Variants in GPC5 observed in about 807,000 individuals in gnomAD.
The protein encoded by GPC5 is glypican-5.
A neutral mutation model predicts 53.9 loss-of-function variants in GPC5; 47 were observed. The observed-to-expected ratio is 0.87, with a 90% CI of 0.69 to 1.11. The LOEUF is 1.11. Ranked by LOEUF, GPC5 falls within the 50% of genes most tolerant of loss-of-function variation. The pLI, the probability that GPC5 is intolerant of heterozygous loss-of-function variation, is 0.00. For synonymous variants in GPC5, 286 were observed against 263.3 expected (o/e 1.09, Z -0.84); for missense variants, 748 against 713.1 (o/e 1.05, Z -0.56).
intron 7 of GPC5, among the ~76,000 whole-genome samples, chr13:92,631,797 C>T (rs533179503): frequency 9.9e-5 from 15 of 152,180 alleles, no homozygotes; most frequent in South Asian, 8.3e-4. Flanking sequence ...TAACCTCATG[C>T]GATGTATCAC....
chr13:92,434,190 G>A (rs890000955), intron 7 of GPC5, among the ~76,000 whole-genome samples: 1 of 152,056 alleles, frequency 6.6e-6, no homozygotes, highest in East Asian at 1.9e-4. Context: ...ACTGTAGCAG[G>A]GTTATTCACA....
chr13:92,862,573 C>G (rs1021208030), intron 7 of GPC5, among the ~76,000 whole-genome samples: 3 of 151,324 alleles, frequency 2.0e-5, no homozygotes, highest in African/African-American at 7.3e-5. Context: ...ATATTTGACT[C>G]GTCTAAGTGT....
intron 4 of GPC5, among the ~76,000 whole-genome samples, chr13:91,753,573 G>A (rs919122684): frequency 2.0e-5 from 3 of 152,142 alleles, no homozygotes; most frequent in African/African-American, 4.8e-5. Context: ...CCAAGTTGCT[G>A]CCATGATGAT....
At chr13:92,536,232 C>T (rs1306591748) in intron 7 of GPC5, among the ~76,000 whole-genome samples, 3 of 152,126 alleles carry the variant, frequency 2.0e-5, no homozygotes, top group Non-Finnish European at 4.4e-5. Flanking sequence ...TAGTTCCCAA[C>T]TATCCATGTC....
intron 7 of GPC5, among the ~76,000 whole-genome samples, chr13:92,294,427 G>A (rs1028396375): frequency 1.3e-5 from 2 of 152,106 alleles, no homozygotes; most frequent in Admixed American, 6.5e-5. Context: ...TTTAAGCTAG[G>A]AGGGTTGTAT....
At chr13:91,966,925 G>T (rs931116577) in intron 6 of GPC5, among the ~76,000 whole-genome samples, 1 of 152,134 alleles carries the variant, frequency 6.6e-6, no homozygotes, top group African/African-American at 2.4e-5. Flanking sequence ...AATACTTGAA[G>T]TTAAATATTT....
At chr13:91,623,800 G>C (rs2139380114) in intron 2 of GPC5, among the ~76,000 whole-genome samples, 1 of 152,242 alleles carries the variant, frequency 6.6e-6, no homozygotes, top group South Asian at 2.1e-4. Context: ...ATAGAGAGCA[G>C]ATAGCAGATG....
chr13:92,656,965 T>G (rs1031201314), intron 7 of GPC5, among the ~76,000 whole-genome samples: 1 of 152,102 alleles, frequency 6.6e-6, no homozygotes, highest in Admixed American at 6.5e-5. Context: ...GACCCTGTCT[T>G]AAAAAGAAAA....
chr13:92,599,606 C>A (rs1232160470), intron 7 of GPC5, among the ~76,000 whole-genome samples: 1 of 152,098 alleles, frequency 6.6e-6, no homozygotes, highest in Non-Finnish European at 1.5e-5. Flanking sequence ...GCTGACAGAG[C>A]AGAACTATTG....
chr13:92,669,966 T>C (rs1886693433), intron 7 of GPC5, among the ~76,000 whole-genome samples: 1 of 152,230 alleles, frequency 6.6e-6, no homozygotes, highest in African/African-American at 2.4e-5. Context: ...TTTCTACATT[T>C]ATACCAATAA....
intron 7 of GPC5, among the ~76,000 whole-genome samples, chr13:92,605,299 G>T (rs891297969): frequency 6.6e-6 from 1 of 152,070 alleles, no homozygotes; most frequent in African/African-American, 2.4e-5. Flanking sequence ...AAAATGGTTT[G>T]TGATAAAAAG....
In GPC5 at chr13:92,729,505, T is replaced by A. The variant is rs184956164; in HGVS notation, c.1562-136777T>A. Among the ~76,000 whole-genome samples the A allele has an allele frequency of 2.5e-3, 374 of 151,564 alleles. 1 individual carries two copies. The highest frequency in any genetic ancestry group is 8.4e-3 in the African/African-American group (348 of 41,496). ...CATATTAAGATCAATTTTACCTTTTTCTTTTTCATCTTTTAAAAATATGGC... is the reference window on the plus strand; with the variant it reads ...CATATTAAGATCAATTTTACCTTTTACTTTTTCATCTTTTAAAAATATGGC... On this transcript the variant is annotated intron_variant, in intron 7 of 7. Coordinates refer to ENST00000377067, the MANE Select transcript of GPC5 (RefSeq NM_004466.6).
At chr13:92,157,756 A>G (rs1485156318) in intron 7 of GPC5, among the ~76,000 whole-genome samples, 2 of 152,050 alleles carry the variant, frequency 1.3e-5, no homozygotes, top group Non-Finnish European at 2.9e-5. Flanking sequence ...TCTTTTGTGA[A>G]TTTATTCCCC....
intron 5 of GPC5, among the ~76,000 whole-genome samples, chr13:91,833,200 G>T (rs554964770): frequency 2.0e-5 from 3 of 152,236 alleles, no homozygotes; most frequent in Admixed American, 1.3e-4. Flanking sequence ...CCAGGAAGAA[G>T]TCAAATCCCT....
chr13:91,811,398 A>G (rs1426260105), intron 5 of GPC5, among the ~76,000 whole-genome samples: 2 of 152,124 alleles, frequency 1.3e-5, no homozygotes, highest in Non-Finnish European at 2.9e-5. Flanking sequence ...TGGATGTTTT[A>G]GGTTTATGTT....
intron 7 of GPC5, among the ~76,000 whole-genome samples, chr13:92,822,846 T>C (rs1877719957): frequency 6.6e-6 from 1 of 152,114 alleles, no homozygotes; most frequent in East Asian, 1.9e-4. Flanking sequence ...ACGGATCTTG[T>C]CTTGGGTTTT....
At chr13:91,835,066 A>G (rs2038707822) in intron 5 of GPC5, among the ~76,000 whole-genome samples, 1 of 152,150 alleles carries the variant, frequency 6.6e-6, no homozygotes, top group Non-Finnish European at 1.5e-5. Flanking sequence ...AACCCCATCA[A>G]AAAGTGGGTG....
intron 7 of GPC5, among the ~76,000 whole-genome samples, chr13:92,610,500 G>A (rs1347345758): frequency 6.6e-6 from 1 of 152,106 alleles, no homozygotes; most frequent in Non-Finnish European, 1.5e-5. Flanking sequence ...CTCACAAAAG[G>A]AAAGTGTCGC....
intron 2 of GPC5, among the ~76,000 whole-genome samples, chr13:91,554,424 C>A (rs1268348666): frequency 6.6e-6 from 1 of 151,916 alleles, no homozygotes; most frequent in African/African-American, 2.4e-5. Context: ...ACCACAGACA[C>A]ACACACCAGT....
Sources: allele counts gnomAD v4.1 joint callset (sites outside exome capture counted in the v4.1 genomes callset), GRCh38; gene constraint gnomAD v4.1.1; transcripts MANE v1.5; gene names NCBI Gene and HGNC (gene_info 2026-07-23, HGNC 2026-07-21).